The following FABP5 variants were observed in gnomAD, a reference collection of about 807,000 sequenced individuals.
FABP5 encodes the protein fatty acid binding protein 5.
In FABP5, 7 loss-of-function variants were observed where a neutral mutation model predicts 16.9. That is an observed-to-expected ratio of 0.41 (90% CI 0.24 to 0.78). The LOEUF (loss-of-function observed/expected upper bound fraction) is 0.78, where lower values mean the gene tolerates loss of function less well. FABP5 is among the 30% of genes least tolerant of loss of function. The pLI, the probability that FABP5 is intolerant of heterozygous loss-of-function variation, is 0.30. For synonymous variants in FABP5, 37 were observed against 52.8 expected (o/e 0.70, Z 1.30); for missense variants, 119 against 159.5 (o/e 0.75, Z 1.37).
Position 81,280,562 on chromosome 8 carries a change from C to T in FABP5, c.-34C>T, listed in dbSNP as rs772705377. ...CAGCACGCTGCCACGCCGACGCAGA[C>T]CCCTCTCTGCACGCCAGCCCGCCCG... On this transcript the variant is annotated 5_prime_UTR_variant, in exon 1 of 4. Coordinates refer to ENST00000297258, the MANE Select transcript of FABP5 (RefSeq NM_001444.3). The T allele has an allele frequency of 3.9e-5, 61 of 1,545,172 alleles. No individual in the cohort carries two copies. The highest frequency in any genetic ancestry group is 2.0e-4 in the Middle Eastern group (1 of 5,092).
Position 81,281,333 on chromosome 8 carries a change from C to T in FABP5, c.79+659C>T. ...CCCCAGGTCCTCTGCTCGCCCTTACCAGTTGAGCCGAACCCTTTGGATTGG... is the reference window on the plus strand; with the variant it reads ...CCCCAGGTCCTCTGCTCGCCCTTACTAGTTGAGCCGAACCCTTTGGATTGG... On this transcript the variant is annotated intron_variant, in intron 1 of 3. Coordinates refer to ENST00000297258, the MANE Select transcript of FABP5 (RefSeq NM_001444.3). This position sits in a 1 kb window ranked among gnomAD's most constrained non-coding sequence, Gnocchi z 4.5. 1 of 985,264 alleles carries T rather than the reference C, an allele frequency of 1.0e-6. No homozygotes were observed. The highest frequency in any genetic ancestry group is 1.2e-6 in the Non-Finnish European group (1 of 829,774). 61.0% of individuals were successfully genotyped at this position (985,264 alleles called of 1,614,324 possible). A position where few individuals can be genotyped will look rare whatever the true frequency, so the allele number is the denominator to read the frequency against.
At position 81,281,403 on chromosome 8, in the gene FABP5, G is replaced by C; in HGVS notation, c.79+729G>C. On this transcript the variant is annotated intron_variant, in intron 1 of 3. Coordinates refer to ENST00000297258, the MANE Select transcript of FABP5 (RefSeq NM_001444.3). This position sits in a 1 kb window ranked among gnomAD's most constrained non-coding sequence, Gnocchi z 4.5. The stretch of plus-strand genomic sequence containing the variant: ...GCCCCCGAGAAGCGTGGCGCTGGCG[G>C]TGCCGACCTGCTGCTGGCACTGCCG... 1.0e-6 allele frequency: 1 copy of C among 986,114 alleles called. No individual in the cohort carries two copies. Among genetic ancestry groups the C allele is most frequent in the Non-Finnish European group, 1.2e-6 (1 of 830,576 alleles). The allele number at this position is 986,114 out of a possible 1,614,324, so 61.1% of individuals were successfully genotyped here. A position where few individuals can be genotyped will look rare whatever the true frequency, so the allele number is the denominator to read the frequency against.
chr8:81,280,779 G>C (rs1487336663), intron 1 of FABP5, 105 bp downstream of exon 1: 1 of 1,077,930 alleles, frequency 9.3e-7, no homozygotes, highest in African/African-American at 1.6e-5. Flanking sequence ...GATGCTCGGC[G>C]GCCTACCCCC....
At position 81,281,009 on chromosome 8, in the gene FABP5, C is replaced by T. The variant is rs865919231; in HGVS notation, c.79+335C>T. Reference sequence around the variant, plus strand: ...CTTCCTGTCCTTTAGCGCGCGCACCCGTCACCTCACGCTGCACTTCTTTCG... The same window carrying T: ...CTTCCTGTCCTTTAGCGCGCGCACCTGTCACCTCACGCTGCACTTCTTTCG... On this transcript the variant is annotated intron_variant, in intron 1 of 3. Coordinates refer to ENST00000297258, the MANE Select transcript of FABP5 (RefSeq NM_001444.3). This position sits in a 1 kb window ranked among gnomAD's most constrained non-coding sequence, Gnocchi z 4.5. 7.6e-6 allele frequency: 2 copies of T among 264,136 alleles called. No individual in the cohort carries two copies. Among genetic ancestry groups the T allele is most frequent in the Admixed American group, 1.0e-4 (2 of 19,774 alleles). 16.4% of individuals were successfully genotyped at this position (264,136 alleles called of 1,614,324 possible).
Position 81,283,275 on chromosome 8 carries a change from G to A in FABP5, c.80-91G>A, listed in dbSNP as rs954149885. On this transcript the variant is annotated intron_variant, in intron 1 of 3. Transcript: ENST00000297258. ...ATAAGCAAATAAGTGAAAATATGCCGCACAAAGTGATTACAATGGAATTAT... is the reference window on the plus strand; with the variant it reads ...ATAAGCAAATAAGTGAAAATATGCCACACAAAGTGATTACAATGGAATTAT... 8.3e-5 allele frequency: 92 copies of A among 1,107,286 alleles called. 1 individual carries two copies. The highest frequency in any genetic ancestry group is 7.0e-4 in the South Asian group (42 of 59,752). The allele number at this position is 1,107,286 out of a possible 1,614,324, so 68.6% of individuals were successfully genotyped here.
Position 81,281,296 on chromosome 8 carries a change from C to T in FABP5, c.79+622C>T, listed in dbSNP as rs975123720. 2.1e-6 allele frequency: 2 copies of T among 959,650 alleles called. No individual in the cohort carries two copies. The highest frequency in any genetic ancestry group is 2.5e-6 in the Non-Finnish European group (2 of 806,374). The allele number at this position is 959,650 out of a possible 1,614,324, so 59.4% of individuals were successfully genotyped here. On this transcript the variant is annotated intron_variant, in intron 1 of 3. Coordinates refer to ENST00000297258, the MANE Select transcript of FABP5 (RefSeq NM_001444.3). This position sits in a 1 kb window ranked among gnomAD's most constrained non-coding sequence, Gnocchi z 4.5. ...ACAGCTTCAGCTTGCATTCCTCTGT[C>T]AGCCCCGTCTCCCCCAGGTCCTCTG...
At chr8:81,283,793 A>G in intron 2 of FABP5, 80 bp from the exon 3 acceptor site, 1 of 1,167,806 alleles carries the variant, frequency 8.6e-7, no homozygotes, top group Non-Finnish European at 1.2e-6. Context: ...GGTGAAACAA[A>G]TGTTGATTAA....
chr8:81,283,748 A>C, intron 2 of FABP5, 125 bp from the exon 3 acceptor site: 2 of 944,724 alleles, frequency 2.1e-6, no homozygotes, highest in Non-Finnish European at 3.1e-6. Flanking sequence ...GAATAAAATC[A>C]ATATGGGTTA....
chr8:81,284,131 T>C, intron 3 of FABP5, 157 bp downstream of exon 3: 1 of 610,180 alleles, frequency 1.6e-6, no homozygotes, highest in Non-Finnish European at 2.8e-6. Flanking sequence ...AAGAAAGTCC[T>C]AGTGGAGATA....
intron 2 of FABP5, 96 bp downstream of exon 2, chr8:81,283,634 A>C (rs1363288634): frequency 1.5e-6 from 2 of 1,316,220 alleles, no homozygotes; most frequent in Non-Finnish European, 2.1e-6. Flanking sequence ...TTAATGAAAA[A>C]GTTATTTTAT....
At position 81,280,566 on chromosome 8, in the gene FABP5, T is replaced by A. The variant is rs765997771; in HGVS notation, c.-30T>A. 1.5e-5 allele frequency: 23 copies of A among 1,546,326 alleles called. No homozygotes were observed. Among genetic ancestry groups the A allele is most frequent in the Non-Finnish European group, 1.5e-5 (17 of 1,144,120 alleles). On this transcript the variant is annotated 5_prime_UTR_variant, in exon 1 of 4. Coordinates refer to ENST00000297258, the MANE Select transcript of FABP5 (RefSeq NM_001444.3). ...ACGCTGCCACGCCGACGCAGACCCCTCTCTGCACGCCAGCCCGCCCGCACC... is the reference window on the plus strand; with the variant it reads ...ACGCTGCCACGCCGACGCAGACCCCACTCTGCACGCCAGCCCGCCCGCACC...
Position 81,280,618 on chromosome 8 carries a change from A to G in FABP5, c.23A>G (p.Glu8Gly). The change falls in exon 1 of 4, where the codon GAA becomes GGA. Residue 8 changes from glutamate to glycine, a missense_variant. By Grantham distance (98) the Glu-to-Gly change is moderately conservative (BLOSUM62 -2). Coordinates refer to ENST00000297258, the MANE Select transcript of FABP5 (RefSeq NM_001444.3). MATVQQLEGRWRLVDSKG... is the reference protein window; with the variant it reads MATVQQLGGRWRLVDSKG... ...ACCATGGCCACAGTTCAGCAGCTGGAAGGAAGATGGCGCCTGGTGGACAGC... is the reference window on the plus strand; with the variant it reads ...ACCATGGCCACAGTTCAGCAGCTGGGAGGAAGATGGCGCCTGGTGGACAGC... The G allele has an allele frequency of 6.4e-7, 1 of 1,558,604 alleles. No individual in the cohort carries two copies. The highest frequency in any genetic ancestry group is 8.7e-7 in the Non-Finnish European group (1 of 1,150,410).
Position 81,284,015 on chromosome 8 carries a change from G to T in FABP5, c.354+41G>T, listed in dbSNP as rs1416215550. 11 of 1,409,756 alleles carry T rather than the reference G, an allele frequency of 7.8e-6. No individual in the cohort carries two copies. In the Admixed American group the frequency reaches 1.7e-4, roughly 22 times the overall value. The allele number at this position is 1,409,756 out of a possible 1,614,324, so 87.3% of individuals were successfully genotyped here. A position where few individuals can be genotyped will look rare whatever the true frequency, so the allele number is the denominator to read the frequency against. On this transcript the variant is annotated intron_variant, in intron 3 of 3. Transcript: ENST00000297258. ...CTGTGTCTCAGTCAGCTTCTTGTGT[G>T]CATTCATAGTTCACATAACTGTTCT...
At position 81,280,831 on chromosome 8, in the gene FABP5, C is replaced by G. The variant is rs555115335; in HGVS notation, c.79+157C>G. ...CCCACCACGCGGCCGTTGGGTGCAG[C>G]GCGCGCAGCACCACGCGGGCAGGCG... On this transcript the variant is annotated intron_variant, in intron 1 of 3. Coordinates refer to ENST00000297258, the MANE Select transcript of FABP5 (RefSeq NM_001444.3). 4.4e-5 allele frequency: 29 copies of G among 663,800 alleles called. No individual in the cohort carries two copies. The African/African-American group carries it at 5.0e-4, about 11-fold the overall frequency. The allele number at this position is 663,800 out of a possible 1,614,324, so 41.1% of individuals were successfully genotyped here.
In FABP5 at chr8:81,283,978, AGTGTCAAACTGCTGT is replaced by A; in HGVS notation, c.354+7_354+21del. The A allele has an allele frequency of 6.3e-7, 1 of 1,593,762 alleles. No homozygotes were observed. Among genetic ancestry groups the A allele is most frequent in the Non-Finnish European group, 8.6e-7 (1 of 1,168,764 alleles). On this transcript the variant is annotated splice_donor_5th_base_variant and intron_variant, in intron 3 of 3. Coordinates refer to ENST00000297258, the MANE Select transcript of FABP5 (RefSeq NM_001444.3). ...GAAAGATGGGAAATTAGTGGTGGTA[AGTGTCAAACTGCTGT>A]GTCTCAGTCAGCTTCTTGTGTGCAT...
intron 1 of FABP5, 105 bp from the exon 2 acceptor site, chr8:81,283,261 A>C: frequency 1.1e-6 from 1 of 952,134 alleles, no homozygotes; most frequent in Non-Finnish European, 1.6e-6. Context: ...TAAGCAAATA[A>C]GTGAAAATAT....
Position 81,280,635 on chromosome 8 carries a change from G to A in FABP5, c.40G>A (p.Val14Met). The A allele has an allele frequency of 6.4e-7, 1 of 1,560,296 alleles. No homozygotes were observed. The highest frequency in any genetic ancestry group is 8.7e-7 in the Non-Finnish European group (1 of 1,151,338). ...VQQLEGRWRLVDSKGFDEYMK... is the reference protein window; with the variant it reads ...VQQLEGRWRLMDSKGFDEYMK... ...GCAGCTGGAAGGAAGATGGCGCCTG[G>A]TGGACAGCAAAGGCTTTGATGAATA... Residue 14 changes from valine (V) to methionine (M), a missense_variant, in exon 1 of 4, where the codon GTG becomes ATG. Physicochemically the swap from Val to Met is conservative, Grantham distance 21. Coordinates refer to ENST00000297258, the MANE Select transcript of FABP5 (RefSeq NM_001444.3).
At chr8:81,280,737 TC>T in intron 1 of FABP5, 63 bp downstream of exon 1, 15 of 1,443,978 alleles carry the variant, frequency 1.0e-5, no homozygotes, top group African/African-American at 1.4e-5. Flanking sequence ...TGTCCCTAGG[TC>T]CCCGTCAGCG....
At chr8:81,283,783 G>A (rs1586289974) in intron 2 of FABP5, 90 bp from the exon 3 acceptor site, 2 of 1,124,708 alleles carry the variant, frequency 1.8e-6, no homozygotes, top group Non-Finnish European at 2.6e-6. Flanking sequence ...GAAAGGAGAA[G>A]GTGAAACAAA....
Sources: gnomAD v4.1 joint callset for allele counts on GRCh38, gnomAD v4.1.1 for gene constraint, Gnocchi (gnomAD v3.1) non-coding constraint, MANE v1.5 for transcripts, NCBI Gene and HGNC (gene_info 2026-07-23, HGNC 2026-07-21) for gene names.